SLC9C1: variants seen among roughly 807,000 people sequenced by gnomAD.
SLC9C1 encodes sodium/hydrogen exchanger 10.
SLC9C1 carries 97 observed loss-of-function variants against 140.9 expected under a neutral mutation model. That is an observed-to-expected ratio of 0.69 (90% CI 0.58 to 0.82). The LOEUF is 0.82. Ranked by LOEUF, SLC9C1 falls within the 40% of genes least tolerant of loss-of-function variation. SLC9C1 has a pLI of 0.00. For synonymous variants in SLC9C1, 440 were observed against 442.6 expected (o/e 0.99, Z 0.07); for missense variants, 1,340 against 1,389.3 (o/e 0.96, Z 0.56).
chr3:112,189,775 T>C (rs11712057), intron 20 of SLC9C1, among the ~76,000 whole-genome samples: 151,438 of 152,336 alleles, frequency 0.99, 75,282 homozygotes, highest in East Asian at 1. Context: ...TGAAGAAAGT[T>C]ATTGGTAGCT....
chr3:112,197,944 A>T (rs1407437243), intron 20 of SLC9C1, among the ~76,000 whole-genome samples: 2 of 152,110 alleles, frequency 1.3e-5, no homozygotes, highest in African/African-American at 4.8e-5. Context: ...CTGCTTTTGT[A>T]AACAGTATTT....
chr3:112,287,259 T>C (rs538225550), intron 1 of SLC9C1, among the ~76,000 whole-genome samples: 1 of 152,210 alleles, frequency 6.6e-6, no homozygotes, highest in Non-Finnish European at 1.5e-5. Context: ...GTCCTCAGAT[T>C]ATCTAAGCCT....
intron 18 of SLC9C1, among the ~76,000 whole-genome samples, chr3:112,201,148 A>G (rs1174381313): frequency 6.6e-6 from 1 of 152,094 alleles, no homozygotes; most frequent in African/African-American, 2.4e-5. Flanking sequence ...TAAAACTAGT[A>G]AACTGATTTT....
Position 112,251,487 on chromosome 3 carries a change from C to A in SLC9C1, c.1198-7411G>T, listed in dbSNP as rs532759640. 4.5e-3 allele frequency among the ~76,000 whole-genome samples: 678 copies of A among 152,226 alleles called. 8 individuals carry two copies. The highest frequency in any genetic ancestry group is 8.5e-3 in the South Asian group (41 of 4,822). ...TGCTTCAGATACTTGGGGTTCCCAG[C>A]AAAAGTGGCTGCAACTTCAGCAAAG... On this transcript the variant is annotated intron_variant, in intron 10 of 28. Coordinates refer to ENST00000305815, the MANE Select transcript of SLC9C1 (RefSeq NM_183061.3).
At chr3:112,225,614 T>C (rs923496632) in intron 13 of SLC9C1, among the ~76,000 whole-genome samples, 4 of 151,838 alleles carry the variant, frequency 2.6e-5, no homozygotes, top group Non-Finnish European at 5.9e-5. Context: ...ACTTAAAAGA[T>C]ACAGACTGGC....
At chr3:112,151,296 T>C in intron 28 of SLC9C1, 1 of 517,580 alleles carries the variant, frequency 1.9e-6, no homozygotes, top group Non-Finnish European at 3.9e-6. Flanking sequence ...CGGACTGTCC[T>C]CCTCATTGTT....
At chr3:112,273,111 T>G (rs1030603869) in intron 6 of SLC9C1, among the ~76,000 whole-genome samples, 11 of 152,116 alleles carry the variant, frequency 7.2e-5, no homozygotes, top group African/African-American at 1.4e-4. Context: ...GCATGCACAA[T>G]TGTACTTCTT....
At chr3:112,179,175 T>G (rs537471148) in intron 23 of SLC9C1, among the ~76,000 whole-genome samples, 1 of 152,124 alleles carries the variant, frequency 6.6e-6, no homozygotes, top group Non-Finnish European at 1.5e-5. Flanking sequence ...TTCCAGGCAC[T>G]TTGTCCAACT....
At position 112,154,986 on chromosome 3, in the gene SLC9C1, T is replaced by C. The variant is rs1033516333; in HGVS notation, c.3417+11A>G. 2 of 1,610,782 alleles carry C rather than the reference T, an allele frequency of 1.2e-6. No individual in the cohort carries two copies. Among genetic ancestry groups the C allele is most frequent in the East Asian group, 4.5e-5 (2 of 44,770 alleles). On this transcript the variant is annotated intron_variant, in intron 27 of 28. Coordinates refer to ENST00000305815, the MANE Select transcript of SLC9C1 (RefSeq NM_183061.3). ...AAAATACAACTTTTAGAAAGGCTGC[T>C]TTAAATTTACCTCCTTAACATTTCT...
intron 2 of SLC9C1, among the ~76,000 whole-genome samples, chr3:112,286,154 T>C (rs1301228662): frequency 6.6e-6 from 1 of 151,674 alleles, no homozygotes. Context: ...AATTACTTAT[T>C]ACACATTAAA....
At position 112,199,392 on chromosome 3, in the gene SLC9C1, C is replaced by T; in HGVS notation, c.2452G>A (p.Ala818Thr). The T allele has an allele frequency of 1.9e-6, 3 of 1,599,282 alleles. No homozygotes were observed. The highest frequency in any genetic ancestry group is 2.3e-5 in the South Asian group (2 of 86,866). ...KEEINVMLNM[A>T]TEILKAFGLK... ...CCAAAAGCCTTAAGAATTTCTGTAG[C>T]CATATTGAGCATAACATTAATTTCT... The change falls in exon 20 of 29, where the codon GCT becomes ACT. Residue 818 changes from alanine to threonine, a missense_variant. Transcript: ENST00000305815.
intron 13 of SLC9C1, among the ~76,000 whole-genome samples, chr3:112,224,888 G>A (rs530106552): frequency 2.6e-5 from 4 of 152,102 alleles, no homozygotes; most frequent in Admixed American, 2.0e-4. Context: ...TGGGACCCAT[G>A]GGACATCATT....
chr3:112,277,548 C>G (rs1257689108), intron 5 of SLC9C1, 147 bp downstream of exon 5: 2 of 633,180 alleles, frequency 3.2e-6, no homozygotes, highest in African/African-American at 3.8e-5. Context: ...AGCATGACCT[C>G]CAGAATCTCT....
chr3:112,155,189 T>TA lies in SLC9C1; in HGVS notation c.3365-141dup, dbSNP rs561792258. ...GAAATTGGTGGTAATCTCATTTGGT[T>TA]AAAAAAAAGGGTCACATTTAAAAAA... On this transcript the variant is annotated intron_variant, in intron 26 of 28. Transcript: ENST00000305815. 483 of 613,018 alleles carry TA rather than the reference T, an allele frequency of 7.9e-4. 6 individuals are homozygous for TA. The highest frequency in any genetic ancestry group is 5.4e-3 in the Middle Eastern group (20 of 3,684). 38.0% of individuals were successfully genotyped at this position (613,018 alleles called of 1,614,324 possible).
intron 16 of SLC9C1, among the ~76,000 whole-genome samples, chr3:112,206,597 T>C (rs1016443574): frequency 6.6e-6 from 1 of 152,164 alleles, no homozygotes; most frequent in Non-Finnish European, 1.5e-5. Context: ...CCAACCCAAA[T>C]GTCCATCAAT....
chr3:112,268,129 T>C (rs1227747457), intron 7 of SLC9C1, among the ~76,000 whole-genome samples: 1 of 152,206 alleles, frequency 6.6e-6, no homozygotes, highest in African/African-American at 2.4e-5. Context: ...TTAAAAATAA[T>C]GTTAGAGGAA....
intron 28 of SLC9C1, among the ~76,000 whole-genome samples, chr3:112,148,609 C>A (rs1326606832): frequency 2.0e-5 from 3 of 152,144 alleles, no homozygotes; most frequent in Admixed American, 6.5e-5. Context: ...ATCGTACAAG[C>A]CTGTAGATGG....
chr3:112,247,167 T>C (rs2079310636), intron 10 of SLC9C1, among the ~76,000 whole-genome samples: 1 of 152,172 alleles, frequency 6.6e-6, no homozygotes, highest in South Asian at 2.1e-4. Flanking sequence ...GCAAATCCTG[T>C]CAACGCATGC....
chr3:112,231,168 C>A (rs2078814873), intron 13 of SLC9C1, among the ~76,000 whole-genome samples, 193 bp downstream of exon 13: 2 of 145,784 alleles, frequency 1.4e-5, no homozygotes, highest in African/African-American at 5.0e-5. Context: ...CTTTCTCTTT[C>A]TTTCTTTTTC....
Sources: allele counts gnomAD v4.1 joint callset (sites outside exome capture counted in the v4.1 genomes callset), GRCh38; gene constraint gnomAD v4.1.1; transcripts MANE v1.5; gene names NCBI Gene and HGNC (gene_info 2026-07-23, HGNC 2026-07-21).